Variants in GPATCH1 observed in about 807,000 individuals in gnomAD.
GPATCH1 encodes G-patch domain containing 1.
GPATCH1 carries 73 observed loss-of-function variants against 114.9 expected under a neutral mutation model. The observed-to-expected ratio is 0.64, with a 90% CI of 0.53 to 0.77. The LOEUF (loss-of-function observed/expected upper bound fraction) is 0.77. Among genes scored for constraint, GPATCH1 ranks in the 30% least tolerant of loss-of-function variants. The pLI is 0.00. For missense variants in GPATCH1, 1,058 were observed against 1,144.3 expected, an observed-to-expected ratio of 0.92 and a Z score of 1.09; for synonymous variants, 391 against 428.4, an observed-to-expected ratio of 0.91 and a Z score of 1.08.
At chr19:33,113,669 C>T in intron 13 of GPATCH1, 98 bp from the exon 14 acceptor site, 1 of 981,884 alleles carries the variant, frequency 1.0e-6, no homozygotes, top group Non-Finnish European at 1.6e-6. Flanking sequence ...ACTTTTTAGT[C>T]ATGCAGAAGA....
chr19:33,122,012 CTTTTG>C (rs1307459009), intron 17 of GPATCH1, among the ~76,000 whole-genome samples: 1 of 152,030 alleles, frequency 6.6e-6, no homozygotes, highest in African/African-American at 2.4e-5. Flanking sequence ...TTGTTCAGCA[CTTTTG>C]TTTTATTTTG....
chr19:33,117,371 G>GT (rs1305314070), intron 15 of GPATCH1, among the ~76,000 whole-genome samples: 1 of 152,162 alleles, frequency 6.6e-6, no homozygotes, highest in African/African-American at 2.4e-5. Context: ...CTGAATCTGA[G>GT]TTTGGAAATA....
At chr19:33,107,962 T>G (rs971013729) in intron 10 of GPATCH1, among the ~76,000 whole-genome samples, 1 of 152,084 alleles carries the variant, frequency 6.6e-6, no homozygotes, top group Non-Finnish European at 1.5e-5. Flanking sequence ...TAACTCGTCA[T>G]TTACATAAGG....
At chr19:33,088,342 C>CT (rs879692801) in intron 2 of GPATCH1, 74 bp downstream of exon 2, 34,537 of 851,512 alleles carry the variant, frequency 0.041, no homozygotes, top group East Asian at 0.046. Context: ...CTCACCCTTG[C>CT]TTTTTTTTTT....
In GPATCH1 at chr19:33,081,206, G is replaced by A. The variant is rs1243107321; in HGVS notation, c.13G>A (p.Asp5Asn). The change falls in exon 1 of 20, where the codon GAC becomes AAC. Residue 5 changes from aspartate to asparagine, a missense_variant. Asp to Asn is a conservative substitution (Grantham distance 23, BLOSUM62 1). Coordinates refer to ENST00000170564, the MANE Select transcript of GPATCH1 (RefSeq NM_018025.3). The stretch of plus-strand genomic sequence containing the variant: ...CCGGAAGAGCAGGATGGCGGCGCGG[G>A]ACAGTGACAGCGAAGAAGATCTGGT... MAARDSDSEEDLVSY... is the reference protein window; with the variant it reads MAARNSDSEEDLVSY... The A allele has an allele frequency of 2.6e-6, 4 of 1,551,452 alleles. No individual in the cohort carries two copies. The highest frequency in any genetic ancestry group is 1.2e-5 in the South Asian group (1 of 84,046).
intron 9 of GPATCH1, among the ~76,000 whole-genome samples, chr19:33,105,411 CAAAAAAA>C (rs922660129): frequency 7.0e-4 from 41 of 58,540 alleles, no homozygotes; most frequent in African/African-American, 2.6e-3. Context: ...GACTCTGTCT[CAAAAAAA>C]AAAAAAAAAA....
chr19:33,115,595 A>C (rs1972908750), intron 15 of GPATCH1, among the ~76,000 whole-genome samples: 1 of 151,402 alleles, frequency 6.6e-6, no homozygotes. Context: ...CCCGGGTTCA[A>C]GCAATTCCCC....
chr19:33,106,884 G>A lies in GPATCH1; in HGVS notation c.1270G>A (p.Glu424Lys), dbSNP rs1441854915. The part of the protein sequence containing the change: ...NASKRAELLG[E>K]TPIQGSATSV... Reference sequence around the variant, plus strand: ...CTCCAAACGGGCTGAGTTGCTTGGAGAGACGCCTATTCAAGGTATGTGCCA... The same window carrying A: ...CTCCAAACGGGCTGAGTTGCTTGGAAAGACGCCTATTCAAGGTATGTGCCA... The change falls in exon 10 of 20, where the codon GAG (glutamate) becomes AAG (lysine). Residue 424 changes from glutamate to lysine, a missense_variant. By Grantham distance (56) the Glu-to-Lys change is moderately conservative. This residue lies in a region of GPATCH1 where 893 missense variants were observed against 977.4 expected (regional missense o/e 0.91). Transcript: ENST00000170564. 3 of 1,612,916 alleles carry A rather than the reference G, an allele frequency of 1.9e-6. No individual in the cohort carries two copies. Among genetic ancestry groups the A allele is most frequent in the Non-Finnish European group, 2.5e-6 (3 of 1,178,936 alleles).
Position 33,130,109 on chromosome 19 carries a change from CTT to C in GPATCH1, c.2766-18_2766-17del, listed in dbSNP as rs1488894202. ...ACTTTAGCTAACTTTCCATTTCTCT[CTT>C]TTCTGTTTTCTTTTCCAGGCTGAAA... On this transcript the variant is annotated intron_variant, in intron 19 of 19. Transcript: ENST00000170564. The C allele has an allele frequency of 2.5e-6, 4 of 1,606,268 alleles. No homozygotes were observed. The highest frequency in any genetic ancestry group is 3.4e-6 in the Non-Finnish European group (4 of 1,172,994).
chr19:33,116,037 T>A (rs980539067), intron 15 of GPATCH1, among the ~76,000 whole-genome samples: 4 of 148,630 alleles, frequency 2.7e-5, no homozygotes, highest in Non-Finnish European at 6.0e-5. Context: ...TCTCTTGGTA[T>A]TTTTTTTTTA....
At chr19:33,090,092 A>G (rs144990786) in intron 2 of GPATCH1, among the ~76,000 whole-genome samples, 131 of 152,296 alleles carry the variant, frequency 8.6e-4, no homozygotes, top group Non-Finnish European at 1.7e-3. Flanking sequence ...AGAAAACTAA[A>G]CAACTTTATG....
At chr19:33,090,541 T>G (rs1599851157) in intron 2 of GPATCH1, among the ~76,000 whole-genome samples, 1 of 152,174 alleles carries the variant, frequency 6.6e-6, no homozygotes, top group Non-Finnish European at 1.5e-5. Context: ...ATTCTATATC[T>G]CTTGGTTTCA....
intron 2 of GPATCH1, among the ~76,000 whole-genome samples, chr19:33,089,524 T>A (rs894365713): frequency 6.6e-6 from 1 of 152,222 alleles, no homozygotes; most frequent in Non-Finnish European, 1.5e-5. Context: ...GAAGATGAAC[T>A]GATTTTATTA....
At chr19:33,094,599 CTT>C (rs1972634622) in intron 5 of GPATCH1, among the ~76,000 whole-genome samples, 1 of 152,142 alleles carries the variant, frequency 6.6e-6, no homozygotes, top group Non-Finnish European at 1.5e-5. Flanking sequence ...TCTTCTAAGG[CTT>C]TTTATGTGTA....
chr19:33,119,197 G>A (rs958449255), intron 17 of GPATCH1, 80 bp downstream of exon 17: 20 of 658,602 alleles, frequency 3.0e-5, no homozygotes, highest in African/African-American at 1.6e-4. Context: ...ACTTAGAGCC[G>A]ACCAAACATA....
rs1197328996 is a variant in GPATCH1 at position 33,125,114 on chromosome 19, A to G, written c.2531A>G (p.Gln844Arg). 4 of 1,598,886 alleles carry G rather than the reference A, an allele frequency of 2.5e-6. No homozygotes were observed. Among genetic ancestry groups the G allele is most frequent in the Non-Finnish European group, 2.6e-6 (3 of 1,172,544 alleles). The change falls in exon 18 of 20, where the codon CAG becomes CGG. Residue 844 changes from glutamine (Q) to arginine (R), a missense_variant. Transcript: ENST00000170564. ...TACCTTTGTGTTTCAGATGCTCGTCAGACACTTGAGGTTCCTCAAAAAGAG... is the reference window on the plus strand; with the variant it reads ...TACCTTTGTGTTTCAGATGCTCGTCGGACACTTGAGGTTCCTCAAAAAGAG... ...LPPVFCPNAR[Q>R]TLEVPQKEKH...
chr19:33,104,177 A>C (rs1299106497), intron 9 of GPATCH1, among the ~76,000 whole-genome samples: 3 of 139,830 alleles, frequency 2.1e-5, no homozygotes, highest in African/African-American at 7.6e-5. Context: ...AAAAAATACA[A>C]AAAAAAAAAA....
intron 9 of GPATCH1, among the ~76,000 whole-genome samples, chr19:33,105,348 C>T (rs1012842994): frequency 2.1e-5 from 3 of 143,590 alleles, no homozygotes; most frequent in African/African-American, 7.7e-5. Context: ...AGGAGAATTG[C>T]ATACCCAGAG....
chr19:33,096,625 A>G (rs1322387502), intron 7 of GPATCH1, among the ~76,000 whole-genome samples, 179 bp downstream of exon 7: 1 of 151,318 alleles, frequency 6.6e-6, no homozygotes, highest in Admixed American at 6.6e-5. Flanking sequence ...CCATTTCATT[A>G]TTACCATTTC....
Sources: gnomAD v4.1 joint callset for allele counts (sites outside exome capture counted in the v4.1 genomes callset) on GRCh38, gnomAD v4.1.1 for gene constraint, gnomAD v4.1.1 regional missense constraint, MANE v1.5 for transcripts, NCBI Gene and HGNC (gene_info 2026-07-23, HGNC 2026-07-21) for gene names.